The following OR2A1 variants were observed in gnomAD, a reference collection of about 807,000 sequenced individuals.
OR2A1 encodes the protein olfactory receptor 2A1/2A42.
For missense variants in OR2A1, 1 was observed against 212.3 expected (o/e 0.00, Z 6.19); for synonymous variants, 2 against 94.7 (o/e 0.02, Z 5.68).
Position 144,320,667 on chromosome 7 carries a change from C to T in OR2A1, c.*1610C>T, listed in dbSNP as rs1241121131. On this transcript the variant is annotated 3_prime_UTR_variant, in exon 2 of 2. Coordinates refer to ENST00000641044, the MANE Select transcript of OR2A1 (RefSeq NM_001005287.2). Reference sequence around the variant, plus strand: ...GCAATATGACTGCTGAACCCATAATCGTAACCATTATATAAAAATCAAAGA... The same window carrying T: ...GCAATATGACTGCTGAACCCATAATTGTAACCATTATATAAAAATCAAAGA... The T allele has an allele frequency of 1.6e-5, 1 of 61,532 alleles. No individual in the cohort carries two copies. The highest frequency in any genetic ancestry group is 1.6e-4 in the Admixed American group (1 of 6,244). 3.8% of individuals were successfully genotyped at this position (61,532 alleles called of 1,614,324 possible). A position where few individuals can be genotyped will look rare whatever the true frequency, so the allele number is the denominator to read the frequency against.
chr7:144,321,257 G>A lies in OR2A1; in HGVS notation c.*2200G>A, dbSNP rs1278280283. 3.1e-5 allele frequency: 4 copies of A among 130,468 alleles called. No homozygotes were observed. The highest frequency in any genetic ancestry group is 1.0e-4 in the African/African-American group (3 of 30,066). The allele number at this position is 130,468 out of a possible 1,614,324, so 8.1% of individuals were successfully genotyped here. ...TACAATTTGTAATTCCATTGCTGCC[G>A]AACAGTTTTTAAACGGTTGTTTAGT... is the stretch of plus-strand genomic sequence containing the variant. On this transcript the variant is annotated 3_prime_UTR_variant, in exon 2 of 2. Transcript: ENST00000641044.
rs1176697043 is a variant in OR2A1 at position 144,313,154 on chromosome 7, C to CT, written c.-5+614dup. On this transcript the variant is annotated intron_variant, in intron 1 of 1. Coordinates refer to ENST00000641044, the MANE Select transcript of OR2A1 (RefSeq NM_001005287.2). The stretch of plus-strand genomic sequence containing the variant: ...TAAGCCCATGGCTCTTTAATTGCTA[C>CT]TTTTTTTGTTTCTTTCAGTGTTTAC... 5.0e-5 allele frequency among the ~76,000 whole-genome samples: 5 copies of CT among 99,218 alleles called. 2 individuals carry two copies. The highest frequency in any genetic ancestry group is 1.0e-4 in the Non-Finnish European group (5 of 49,192). The allele number at this position is 99,218 out of a possible 152,430, so 65.1% of individuals were successfully genotyped here. A position where few individuals can be genotyped will look rare whatever the true frequency, so the allele number is the denominator to read the frequency against.
chr7:144,317,306 C>T (rs201542914), intron 1 of OR2A1, among the ~76,000 whole-genome samples: 20,878 of 138,548 alleles, frequency 0.15, 297 homozygotes, highest in South Asian at 0.22. Flanking sequence ...AAAGGGTTGG[C>T]AAAAGTGAAA....
upstream of OR2A1, chr7:144,312,333 G>A (rs1308271397): frequency 1.3e-5 from 1 of 75,390 alleles, no homozygotes; most frequent in Non-Finnish European, 2.5e-5. Flanking sequence ...CTCCTTTTCT[G>A]AGGATTCTGA....
chr7:144,320,493 C>A lies in OR2A1; in HGVS notation c.*1436C>A, dbSNP rs1188914924. The A allele has an allele frequency of 3.2e-5, 4 of 123,454 alleles. No individual in the cohort carries two copies. Among genetic ancestry groups the A allele is most frequent in the Non-Finnish European group, 6.5e-5 (4 of 61,848 alleles). 7.6% of individuals were successfully genotyped at this position (123,454 alleles called of 1,614,324 possible). ...GTGAAGCACTATTCCAAGAACCTTACAAGTAAGAGCTCTTTAAGTCCTCAT... is the reference window on the plus strand; with the variant it reads ...GTGAAGCACTATTCCAAGAACCTTAAAAGTAAGAGCTCTTTAAGTCCTCAT... On this transcript the variant is annotated 3_prime_UTR_variant, in exon 2 of 2. Transcript: ENST00000641044.
At chr7:144,315,916 C>T (rs1436862517) in intron 1 of OR2A1, among the ~76,000 whole-genome samples, 11 of 86,088 alleles carry the variant, frequency 1.3e-4, no homozygotes, top group Admixed American at 1.2e-3. Context: ...GGGGGAGGAT[C>T]GCTTGAATCT....
intron 1 of OR2A1, among the ~76,000 whole-genome samples, chr7:144,316,253 C>A (rs565446419): frequency 6.9e-6 from 1 of 145,782 alleles, no homozygotes; most frequent in Non-Finnish European, 1.5e-5. Context: ...TATAAGTATA[C>A]AATCATTTGT....
chr7:144,321,779 T>A lies in OR2A1; in HGVS notation c.*2722T>A, dbSNP rs1209775044. 1 of 149,080 alleles carries A rather than the reference T, an allele frequency of 6.7e-6. No individual in the cohort carries two copies. Among genetic ancestry groups the A allele is most frequent in the South Asian group, 2.1e-4 (1 of 4,790 alleles). The allele number at this position is 149,080 out of a possible 1,614,324, so 9.2% of individuals were successfully genotyped here. ...TTAAAAGTGCTATGTGAACATAAGA[T>A]AAACTGTTATGATTACCCTGCTGTC... On this transcript the variant is annotated 3_prime_UTR_variant, in exon 2 of 2. Coordinates refer to ENST00000641044, the MANE Select transcript of OR2A1 (RefSeq NM_001005287.2).
chr7:144,313,290 C>T (rs1449255413), intron 1 of OR2A1, among the ~76,000 whole-genome samples: 1 of 98,088 alleles, frequency 1.0e-5, no homozygotes, highest in Non-Finnish European at 2.0e-5. Flanking sequence ...TATTGAATAC[C>T]TACCATATTC....
At position 144,322,340 on chromosome 7, in the gene OR2A1, T is replaced by C. The variant is rs1202036732; in HGVS notation, c.*3283T>C. ...TGACCCCATTTCCAAATTTTCAGTG[T>C]TGAGCCATCTTCTGATTTCTAAACT... On this transcript the variant is annotated 3_prime_UTR_variant, in exon 2 of 2. Coordinates refer to ENST00000641044, the MANE Select transcript of OR2A1 (RefSeq NM_001005287.2). 6.0e-5 allele frequency: 9 copies of C among 149,706 alleles called. No individual in the cohort carries two copies. The highest frequency in any genetic ancestry group is 5.9e-4 in the Admixed American group (9 of 15,166). The allele number at this position is 149,706 out of a possible 1,614,324, so 9.3% of individuals were successfully genotyped here.
chr7:144,317,331 AG>A (rs2053100958), intron 1 of OR2A1, among the ~76,000 whole-genome samples: 1 of 151,992 alleles, frequency 6.6e-6, no homozygotes, highest in Non-Finnish European at 1.5e-5. Flanking sequence ...AGACTAGAAA[AG>A]AAATGATATA....
In OR2A1 at chr7:144,321,838, C is replaced by G. The variant is rs1322605462; in HGVS notation, c.*2781C>G. On this transcript the variant is annotated 3_prime_UTR_variant, in exon 2 of 2. Coordinates refer to ENST00000641044, the MANE Select transcript of OR2A1 (RefSeq NM_001005287.2). ...TTTTAATCCTGTCAGGGTTGCTAAA[C>G]TTTCTGATCTGGAACCAAAATTGCT... 6.8e-6 allele frequency: 1 copy of G among 147,422 alleles called. No individual in the cohort carries two copies. Among genetic ancestry groups the G allele is most frequent in the Non-Finnish European group, 1.5e-5 (1 of 67,212 alleles). The allele number at this position is 147,422 out of a possible 1,614,324, so 9.1% of individuals were successfully genotyped here.
chr7:144,316,412 T>C (rs2053080700), intron 1 of OR2A1, among the ~76,000 whole-genome samples: 1 of 149,200 alleles, frequency 6.7e-6, no homozygotes, highest in African/African-American at 2.5e-5. Context: ...GGGTTTTTTG[T>C]ACAAATTATC....
rs2128838993 is a variant in OR2A1 at position 144,320,174 on chromosome 7, T to C, written c.*1117T>C. The C allele has an allele frequency of 1.8e-5, 1 of 54,056 alleles. No individual in the cohort carries two copies. The highest frequency in any genetic ancestry group is 3.2e-5 in the Non-Finnish European group (1 of 31,008). The allele number at this position is 54,056 out of a possible 1,614,324, so 3.3% of individuals were successfully genotyped here. On this transcript the variant is annotated 3_prime_UTR_variant, in exon 2 of 2. Coordinates refer to ENST00000641044, the MANE Select transcript of OR2A1 (RefSeq NM_001005287.2). ...TTTCTTCCCCATCTAGAATGTGCCA[T>C]GATGAGGCCAGGAGAGTCAGAGATT...
In OR2A1 at chr7:144,322,478, C is replaced by T. The variant is rs1468024432; in HGVS notation, c.*3421C>T. 6.6e-6 allele frequency: 1 copy of T among 150,780 alleles called. No individual in the cohort carries two copies. Among genetic ancestry groups the T allele is most frequent in the East Asian group, 1.9e-4 (1 of 5,170 alleles). 9.3% of individuals were successfully genotyped at this position (150,780 alleles called of 1,614,324 possible). A position where few individuals can be genotyped will look rare whatever the true frequency, so the allele number is the denominator to read the frequency against. ...CTGCATAAAATGCTTTAGAAAAATT[C>T]TTACATCAAATATGTGGAGTAGGTA... On this transcript the variant is annotated 3_prime_UTR_variant, in exon 2 of 2. Coordinates refer to ENST00000641044, the MANE Select transcript of OR2A1 (RefSeq NM_001005287.2).
chr7:144,316,298 T>C (rs888534466), intron 1 of OR2A1, among the ~76,000 whole-genome samples: 1 of 146,172 alleles, frequency 6.8e-6, no homozygotes, highest in African/African-American at 2.5e-5. Context: ...GAACGTTCTT[T>C]AGGGCTCCAA....
In OR2A1 at chr7:144,322,301, G is replaced by A. The variant is rs1297799706; in HGVS notation, c.*3244G>A. 53 of 148,522 alleles carry A rather than the reference G, an allele frequency of 3.6e-4. 2 individuals carry two copies. Among genetic ancestry groups the A allele is most frequent in the African/African-American group, 1.3e-3 (52 of 39,842 alleles). 9.2% of individuals were successfully genotyped at this position (148,522 alleles called of 1,614,324 possible). On this transcript the variant is annotated 3_prime_UTR_variant, in exon 2 of 2. Transcript: ENST00000641044. ...CAAAAAACATACGGAATACATAGAGGACACTTTATCTGTTGACCCCATTTC... is the reference window on the plus strand; with the variant it reads ...CAAAAAACATACGGAATACATAGAGAACACTTTATCTGTTGACCCCATTTC...
intron 1 of OR2A1, among the ~76,000 whole-genome samples, chr7:144,315,831 C>CA (rs2053068661): frequency 1.0e-5 from 1 of 96,516 alleles, no homozygotes; most frequent in African/African-American, 3.1e-5. Context: ...ATTGTCTGTA[C>CA]AAAAAATATT....
rs2053169087 is a variant in OR2A1, at chr7:144,321,885, G to C, written c.*2828G>C. The C allele has an allele frequency of 7.3e-6, 1 of 137,468 alleles. No homozygotes were observed. Among genetic ancestry groups the C allele is most frequent in the Non-Finnish European group, 1.5e-5 (1 of 64,910 alleles). 8.5% of individuals were successfully genotyped at this position (137,468 alleles called of 1,614,324 possible). ...TGCTCTTTAAACAGGAAGAGCATTGGTGCTGGTAGGTCACCTACGCCTTTG... is the reference window on the plus strand; with the variant it reads ...TGCTCTTTAAACAGGAAGAGCATTGCTGCTGGTAGGTCACCTACGCCTTTG... On this transcript the variant is annotated 3_prime_UTR_variant, in exon 2 of 2. Coordinates refer to ENST00000641044, the MANE Select transcript of OR2A1 (RefSeq NM_001005287.2).
Sources: gnomAD v4.1 joint callset for allele counts (sites outside exome capture counted in the v4.1 genomes callset) on GRCh38, gnomAD v4.1.1 for gene constraint, MANE v1.5 for transcripts, NCBI Gene and HGNC (gene_info 2026-07-23, HGNC 2026-07-21) for gene names.